TLR8: variants seen among roughly 807,000 people sequenced by gnomAD.
TLR8 encodes toll-like receptor 8.
Under a neutral mutation model 18.5 loss-of-function variants are expected in TLR8, and 5 were observed. That is an observed-to-expected ratio of 0.27 (90% confidence interval 0.14 to 0.57). The LOEUF is 0.57. TLR8 is among the 20% of genes least tolerant of loss of function. The probability of loss-of-function intolerance (pLI) is 0.92; values close to 1 mark genes in which losing one functional copy is unlikely to be tolerated. For missense variants in TLR8, 543 were observed against 769.8 expected (o/e 0.71, Z 3.49); for synonymous variants, 299 against 300.1 (o/e 1.00, Z 0.04).
At chrX:12,910,472 C>T (rs1191880086) in intron 1 of TLR8, 5 of 1,157,932 alleles carry the variant, frequency 4.3e-6, no homozygotes, top group Non-Finnish European at 5.8e-6. Context: ...AGGAAGACAG[C>T]TTTACGCCCC....
intron 1 of TLR8, among the ~76,000 whole-genome samples, chrX:12,915,381 G>T (rs2043047973): frequency 8.9e-6 from 1 of 112,091 alleles, no homozygotes. Flanking sequence ...GCCCAGTCTG[G>T]TGTCCAACTC....
In TLR8 at chrX:12,920,786, T is replaced by C. The variant is rs181415824; in HGVS notation, c.1746T>C (p.Asn582=). ...CACATCATCTAGAATTTATTCAAAA[T>C]TTCACAAATCTAAAAGTTTTAAACT... The part of the protein sequence containing the change: ...GVTHHLEFIQ[N]FTNLKVLNLS... The change falls in exon 2 of 2, where the codon AAT becomes AAC. Residue 582 remains asparagine, a synonymous_variant. Coordinates refer to ENST00000218032, the MANE Select transcript of TLR8 (RefSeq NM_138636.5). The C allele has an allele frequency of 1.9e-4, 227 of 1,208,729 alleles. No individual in the cohort carries two copies. The highest frequency in any genetic ancestry group is 2.2e-4 in the Non-Finnish European group (196 of 894,063).
In TLR8 at chrX:12,919,614, A is replaced by G; in HGVS notation, c.574A>G (p.Ile192Val). ...YFNKVCEKTN[I>V]EDGVFETLTN... The stretch of plus-strand genomic sequence containing the variant: ...TAACAAAGTTTGCGAGAAAACTAAC[A>G]TAGAAGATGGAGTATTTGAAACGCT... Residue 192 changes from isoleucine (I) to valine (V), a missense_variant, in exon 2 of 2, where the codon ATA becomes GTA. By Grantham distance (29) the Ile-to-Val change is conservative. Transcript: ENST00000218032. 8.3e-7 allele frequency: 1 copy of G among 1,210,610 alleles called. No homozygotes were observed. The highest frequency in any genetic ancestry group is 1.1e-6 in the Non-Finnish European group (1 of 895,018).
Position 12,911,546 on chromosome X carries a change from T to G in TLR8, c.3+4837T>G, listed in dbSNP as rs143833698. On this transcript the variant is annotated intron_variant, in intron 1 of 1. Coordinates refer to ENST00000218032, the MANE Select transcript of TLR8 (RefSeq NM_138636.5). ...CACCTTAATTCAGTAGATCCCATTT[T>G]AACTTGATGACATCAGCAAAGTCCA... 7.1e-3 allele frequency among the ~76,000 whole-genome samples: 798 copies of G among 112,002 alleles called. 11 individuals carry two copies. The East Asian group carries it at 0.083, about 12-fold the overall frequency.
intron 1 of TLR8, among the ~76,000 whole-genome samples, chrX:12,912,741 G>A (rs1370757210): frequency 8.9e-6 from 1 of 112,691 alleles, no homozygotes; most frequent in Non-Finnish European, 1.9e-5. Context: ...AATGTCTTTG[G>A]GAATGTTCTG....
At chrX:12,915,391 C>G (rs771951305) in intron 1 of TLR8, among the ~76,000 whole-genome samples, 3 of 112,363 alleles carry the variant, frequency 2.7e-5, no homozygotes, top group Non-Finnish European at 5.6e-5. Flanking sequence ...GTGTCCAACT[C>G]CTGAGCTCCA....
In TLR8 at chrX:12,921,836, C is replaced by T. The variant is rs1253593043; in HGVS notation, c.2796C>T (p.Leu932=). 6.6e-6 allele frequency: 8 copies of T among 1,210,086 alleles called. No homozygotes were observed. Among genetic ancestry groups the T allele is most frequent in the Non-Finnish European group, 8.9e-6 (8 of 895,111 alleles). ...CGGGATTGGCCATCATCGACAACCT[C>T]ATGCAGAGCATCAACCAAAGCAAGA... ...WDPGLAIIDN[L]MQSINQSKKT... The change falls in exon 2 of 2, where the codon CTC becomes CTT. Residue 932 remains leucine, a synonymous_variant. Coordinates refer to ENST00000218032, the MANE Select transcript of TLR8 (RefSeq NM_138636.5).
intron 1 of TLR8, among the ~76,000 whole-genome samples, chrX:12,914,471 A>G (rs1365114270): frequency 1.8e-5 from 2 of 111,033 alleles, no homozygotes; most frequent in African/African-American, 6.6e-5. Flanking sequence ...CTACTTGAAT[A>G]TCACAAACTC....
At chrX:12,909,617 G>A (rs1011371423) in intron 1 of TLR8, among the ~76,000 whole-genome samples, 2 of 111,647 alleles carry the variant, frequency 1.8e-5, no homozygotes, top group Non-Finnish European at 3.8e-5. Context: ...TGGAAAATCC[G>A]CCACCAGCAT....
chrX:12,922,254 AT>A lies in TLR8; in HGVS notation c.*89del. On this transcript the variant is annotated 3_prime_UTR_variant, in exon 2 of 2. Transcript: ENST00000218032. The stretch of plus-strand genomic sequence containing the variant: ...GTTATCTATTGCTATGTAACAAATT[AT>A]CCCAAAACTTAGTGGTTTAAAACAA... 9.3e-7 allele frequency: 1 copy of A among 1,080,974 alleles called. No homozygotes were observed. Among genetic ancestry groups the A allele is most frequent in the Non-Finnish European group, 1.2e-6 (1 of 816,156 alleles). 89.1% of individuals were successfully genotyped at this position (1,080,974 alleles called of 1,213,427 possible).
At chrX:12,909,205 C>T (rs1475515259) in intron 1 of TLR8, among the ~76,000 whole-genome samples, 1 of 112,239 alleles carries the variant, frequency 8.9e-6, no homozygotes, top group Non-Finnish European at 1.9e-5. Context: ...GCCTGTCCAA[C>T]CCTCGGCCTG....
At chrX:12,908,247 A>C (rs1454393308) in intron 1 of TLR8, 2 of 111,716 alleles carry the variant, frequency 1.8e-5, no homozygotes, top group African/African-American at 3.3e-5. Context: ...AGGCTGAGGC[A>C]GGAGAATCGC....
intron 1 of TLR8, among the ~76,000 whole-genome samples, chrX:12,912,184 A>G (rs3827469): frequency 0.21 from 23,047 of 109,346 alleles, 2,193 homozygotes; most frequent in East Asian, 0.76. Context: ...TCTCTATTTT[A>G]TTTGCATATT....
Position 12,921,557 on chromosome X carries a change from C to A in TLR8, c.2517C>A (p.Thr839=). The change falls in exon 2 of 2, where the codon ACC becomes ACA. Residue 839 remains threonine, a synonymous_variant. Coordinates refer to ENST00000218032, the MANE Select transcript of TLR8 (RefSeq NM_138636.5). ...VILFFFTFFI[T]TMVMLAALAH... ...TATTTTTCTTCACGTTCTTTATCAC[C>A]ACCATGGTTATGTTGGCTGCCCTGG... The A allele has an allele frequency of 8.3e-7, 1 of 1,211,851 alleles. No homozygotes were observed. The highest frequency in any genetic ancestry group is 1.1e-6 in the Non-Finnish European group (1 of 895,489).
chrX:12,919,291 A>G lies in TLR8; in HGVS notation c.251A>G (p.Gln84Arg), dbSNP rs1463697894. The stretch of plus-strand genomic sequence containing the variant: ...ACACACATAACGAATGAATCATTTC[A>G]AGGGCTGCAAAATCTCACTAAAATA... ...FITHITNESF[Q>R]GLQNLTKINL... The change falls in exon 2 of 2, where the codon CAA becomes CGA. Residue 84 changes from glutamine (Q) to arginine (R), a missense_variant. This residue lies in a region of TLR8 where 117 missense variants were observed against 111.0 expected (regional missense o/e 1.05). Coordinates refer to ENST00000218032, the MANE Select transcript of TLR8 (RefSeq NM_138636.5). 8.3e-7 allele frequency: 1 copy of G among 1,210,258 alleles called. No individual in the cohort carries two copies. The highest frequency in any genetic ancestry group is 1.7e-5 in the African/African-American group (1 of 57,195).
At chrX:12,906,899 C>T (rs1318885000) in intron 1 of TLR8, among the ~76,000 whole-genome samples, 190 bp downstream of exon 1, 1 of 111,895 alleles carries the variant, frequency 8.9e-6, no homozygotes, top group African/African-American at 3.3e-5. Flanking sequence ...TTTGTGCACA[C>T]GTTAGTATAA....
intron 1 of TLR8, among the ~76,000 whole-genome samples, chrX:12,918,474 T>C (rs2043070442): frequency 8.9e-6 from 1 of 111,832 alleles, no homozygotes; most frequent in African/African-American, 3.3e-5. Flanking sequence ...TAATGGCCTC[T>C]GCAGAAGCTT....
chrX:12,912,937 GA>G (rs2043031306), intron 1 of TLR8, among the ~76,000 whole-genome samples: 1 of 111,577 alleles, frequency 9.0e-6, no homozygotes, highest in Non-Finnish European at 1.9e-5. Flanking sequence ...ATCGGATGTT[GA>G]GGCCTTACCT....
Position 12,920,679 on chromosome X carries a change from G to T in TLR8, c.1639G>T (p.Ala547Ser). 1 of 1,210,684 alleles carries T rather than the reference G, an allele frequency of 8.3e-7. No individual in the cohort carries two copies. Among genetic ancestry groups the T allele is most frequent in the Non-Finnish European group, 1.1e-6 (1 of 894,384 alleles). Reference sequence around the variant, plus strand: ...AAACAATAGACTAGACTTTGATAATGCTAGTGCTCTTACTGAATTGTCCGA... The same window carrying T: ...AAACAATAGACTAGACTTTGATAATTCTAGTGCTCTTACTGAATTGTCCGA... ...LTNNRLDFDN[A>S]SALTELSDLE... Residue 547 changes from alanine to serine, a missense_variant, in exon 2 of 2, where the codon GCT (alanine) becomes TCT (serine). Coordinates refer to ENST00000218032, the MANE Select transcript of TLR8 (RefSeq NM_138636.5).
Sources: allele counts gnomAD v4.1 joint callset (sites outside exome capture counted in the v4.1 genomes callset), GRCh38; gene constraint gnomAD v4.1.1; regional missense constraint gnomAD v4.1.1; transcripts MANE v1.5; gene names NCBI Gene and HGNC (gene_info 2026-07-23, HGNC 2026-07-21).